C12orf42: variants seen among roughly 807,000 people sequenced by gnomAD.
C12orf42 encodes uncharacterized protein C12orf42.
C12orf42 carries 25 observed loss-of-function variants against 21.6 expected under a neutral mutation model. The observed-to-expected ratio is 1.16, with a 90% confidence interval of 0.84 to 1.62. C12orf42 has a LOEUF of 1.62. Ranked by LOEUF, C12orf42 falls within the 40% of genes most tolerant of loss-of-function variation. C12orf42 has a pLI of 0.00. For synonymous variants in C12orf42, 174 were observed against 175.0 expected (o/e 0.99, Z 0.05); for missense variants, 483 against 459.3 (o/e 1.05, Z -0.47).
the C12orf42 span, among the ~76,000 whole-genome samples, chr12:103,508,608 G>A: frequency 6.6e-6 from 1 of 152,098 alleles, no homozygotes; most frequent in African/African-American, 2.4e-5. Flanking sequence ...TCCCCATCTA[G>A]ATGTAATCTA....
chr12:103,512,726 G>A, the C12orf42 span, among the ~76,000 whole-genome samples: 1 of 152,172 alleles, frequency 6.6e-6, no homozygotes, highest in Non-Finnish European at 1.5e-5. Context: ...AGAGTAGGCT[G>A]GCTGCAGTGG....
At chr12:103,325,006 C>T (rs1349543151) in intron 4 of C12orf42, among the ~76,000 whole-genome samples, 1 of 152,202 alleles carries the variant, frequency 6.6e-6, no homozygotes, top group Non-Finnish European at 1.5e-5. Context: ...CAAAAATGTG[C>T]TTTCTGTAAA....
chr12:103,250,978 C>A (rs767745781), intron 10 of C12orf42, among the ~76,000 whole-genome samples: 2 of 151,952 alleles, frequency 1.3e-5, no homozygotes, highest in African/African-American at 2.4e-5. Context: ...AAATTCAGAC[C>A]CCTCTTTGGT....
chr12:103,157,443 A>G, the C12orf42 span, among the ~76,000 whole-genome samples: 1 of 152,086 alleles, frequency 6.6e-6, no homozygotes, highest in Non-Finnish European at 1.5e-5. Flanking sequence ...CTTTGATGAT[A>G]GTTTATTTTG....
chr12:103,084,507 CTTT>C, the C12orf42 span, among the ~76,000 whole-genome samples: 12 of 152,082 alleles, frequency 7.9e-5, no homozygotes, highest in African/African-American at 2.4e-4. Context: ...TGCAAATAAA[CTTT>C]TAAGATTCAG....
At chr12:103,430,292 A>T (rs1186173733) in intron 2 of C12orf42, among the ~76,000 whole-genome samples, 14 of 152,240 alleles carry the variant, frequency 9.2e-5, no homozygotes, top group Non-Finnish European at 1.5e-5. Flanking sequence ...TCCATCAAAA[A>T]GTGGGCAAAG....
At chr12:103,057,398 G>T in the C12orf42 span, among the ~76,000 whole-genome samples, 2 of 151,944 alleles carry the variant, frequency 1.3e-5, no homozygotes, top group Non-Finnish European at 2.9e-5. Context: ...TCCACTCCCT[G>T]TGTCCATGTA....
intron 4 of C12orf42, among the ~76,000 whole-genome samples, chr12:103,355,616 A>C (rs1450384165): frequency 1.3e-5 from 2 of 152,182 alleles, no homozygotes; most frequent in East Asian, 3.9e-4. Context: ...AGAGAGGTTA[A>C]ACAGTTTGTA....
At chr12:103,260,389 T>C (rs1448703114) in intron 10 of C12orf42, among the ~76,000 whole-genome samples, 4 of 152,216 alleles carry the variant, frequency 2.6e-5, no homozygotes, top group South Asian at 2.1e-4. Context: ...TCTTCACATA[T>C]GCAAGGCAAG....
chr12:103,469,379 C>T (rs544609919), intron 2 of C12orf42, among the ~76,000 whole-genome samples: 72 of 152,276 alleles, frequency 4.7e-4, no homozygotes, highest in African/African-American at 1.7e-3. Flanking sequence ...GAAAGACCTC[C>T]AAATGGGGAC....
intron 2 of C12orf42, among the ~76,000 whole-genome samples, chr12:103,445,926 T>C (rs914689031): frequency 8.6e-5 from 13 of 152,022 alleles, no homozygotes; most frequent in Middle Eastern, 3.2e-3. Flanking sequence ...TTTTTGTATA[T>C]GGCAAGAGGC....
chr12:103,227,575 C>A, the C12orf42 span, among the ~76,000 whole-genome samples: 2 of 151,798 alleles, frequency 1.3e-5, no homozygotes, highest in Non-Finnish European at 2.9e-5. Flanking sequence ...GGGGTACTTG[C>A]CCCTCTCCCA....
At chr12:103,255,533 T>C (rs1417026141) in intron 10 of C12orf42, among the ~76,000 whole-genome samples, 1 of 152,224 alleles carries the variant, frequency 6.6e-6, no homozygotes, top group Non-Finnish European at 1.5e-5. Context: ...CCTAGGAGTA[T>C]ACAAGTTCAT....
At chr12:103,335,002 C>A (rs2041568908) in intron 4 of C12orf42, among the ~76,000 whole-genome samples, 1 of 152,114 alleles carries the variant, frequency 6.6e-6, no homozygotes, top group South Asian at 2.1e-4. Flanking sequence ...AGTCTGGAGT[C>A]CACAGCATTT....
chr12:103,137,665 C>T, the C12orf42 span, among the ~76,000 whole-genome samples: 14 of 152,240 alleles, frequency 9.2e-5, no homozygotes, highest in African/African-American at 3.4e-4. Context: ...ATGTGGTATA[C>T]ATACAGAATG....
At chr12:103,274,881 C>T (rs895087863) in intron 5 of C12orf42, among the ~76,000 whole-genome samples, 4 of 152,226 alleles carry the variant, frequency 2.6e-5, no homozygotes, top group South Asian at 2.1e-4. Flanking sequence ...CTTTAGTTTT[C>T]GAGCTCCTAA....
chr12:103,532,276 A>C, the C12orf42 span, among the ~76,000 whole-genome samples: 6 of 152,354 alleles, frequency 3.9e-5, no homozygotes, highest in Admixed American at 2.6e-4. Context: ...GTGAAAAACC[A>C]GGTGAGAAAA....
chr12:103,551,067 T>A, the C12orf42 span, among the ~76,000 whole-genome samples: 1 of 152,146 alleles, frequency 6.6e-6, no homozygotes, highest in East Asian at 1.9e-4. Flanking sequence ...TAAGAACTTA[T>A]TTTTATTACA....
At chr12:103,535,895 A>G in the C12orf42 span, among the ~76,000 whole-genome samples, 1 of 152,142 alleles carries the variant, frequency 6.6e-6, no homozygotes, top group Non-Finnish European at 1.5e-5. Context: ...CTCTCACCTT[A>G]GGCTCCAGAG....
Sources: gnomAD v4.1 joint callset for allele counts (sites outside exome capture counted in the v4.1 genomes callset) on GRCh38, gnomAD v4.1.1 for gene constraint, MANE v1.5 for transcripts, NCBI Gene and HGNC (gene_info 2026-07-23, HGNC 2026-07-21) for gene names.